The following SLC22A23 variants were observed in gnomAD, a reference collection of about 807,000 sequenced individuals.
SLC22A23 encodes the protein ion transporter protein.
Under a neutral mutation model 61.0 loss-of-function variants are expected in SLC22A23, and 26 were observed. The ratio of observed to expected loss-of-function variants is 0.43; its 90% CI spans 0.31 to 0.59. SLC22A23 has a LOEUF of 0.59. Ranked by LOEUF, SLC22A23 falls within the 20% of genes least tolerant of loss-of-function variation. SLC22A23 has a pLI of 0.11. For synonymous variants in SLC22A23, 430 were observed against 413.9 expected (o/e 1.04, Z -0.47); for missense variants, 796 against 934.7 (o/e 0.85, Z 1.94).
chr6:3,308,189 G>A lies in SLC22A23; in HGVS notation c.1083-9971C>T, dbSNP rs146361735. ...GTTACAGTGGAAAATTTTATGTTAC[G>A]TGTATTTTACCACAATTAAAAGAAA... is the stretch of plus-strand genomic sequence containing the variant. On this transcript the variant is annotated intron_variant, in intron 4 of 9. Coordinates refer to ENST00000406686, the MANE Select transcript of SLC22A23 (RefSeq NM_015482.2). This position sits in a 1 kb window ranked among gnomAD's most constrained non-coding sequence, Gnocchi z 5.1. Among the ~76,000 whole-genome samples, 30 of 152,294 alleles carry A rather than the reference G, an allele frequency of 2.0e-4. 2 individuals are homozygous for A. The East Asian group carries it at 5.4e-3, about 27-fold the overall frequency.
At chr6:3,424,267 C>G (rs890014557) in intron 1 of SLC22A23, among the ~76,000 whole-genome samples, 2 of 152,162 alleles carry the variant, frequency 1.3e-5, no homozygotes, top group African/African-American at 4.8e-5. Context: ...TCTTCTGTGC[C>G]CCACTCCCAC....
intron 1 of SLC22A23, among the ~76,000 whole-genome samples, chr6:3,449,127 C>A (rs918636388): frequency 8.5e-5 from 13 of 152,306 alleles, no homozygotes; most frequent in Middle Eastern, 3.4e-3. Context: ...TGGTTATATC[C>A]TCTGACCTTT....
chr6:3,388,210 G>A (rs1336384486), intron 3 of SLC22A23, among the ~76,000 whole-genome samples: 2 of 152,210 alleles, frequency 1.3e-5, no homozygotes, highest in East Asian at 1.9e-4. Context: ...GCTTTGGAAC[G>A]TGAGACTCAA....
chr6:3,375,296 C>G (rs1384819599), intron 3 of SLC22A23, among the ~76,000 whole-genome samples: 5 of 152,218 alleles, frequency 3.3e-5, no homozygotes, highest in African/African-American at 1.2e-4. Context: ...AAACCACCTC[C>G]TGTCAAATTA....
intron 3 of SLC22A23, among the ~76,000 whole-genome samples, chr6:3,362,265 G>A (rs1041964913): frequency 6.6e-6 from 1 of 151,234 alleles, no homozygotes; most frequent in African/African-American, 2.4e-5. Context: ...TTAGCTGGGC[G>A]TGGTAGCATG....
Position 3,297,850 on chromosome 6 carries a change from T to C in SLC22A23, c.1210+241A>G, listed in dbSNP as rs1761252315. Among the ~76,000 whole-genome samples, 1 of 152,194 alleles carries C rather than the reference T, an allele frequency of 6.6e-6. No individual in the cohort carries two copies. Among genetic ancestry groups the C allele is most frequent in the Non-Finnish European group, 1.5e-5 (1 of 68,020 alleles). Reference sequence around the variant, plus strand: ...AGTGTATATTGGGCTCATGGCTCGCTTCTGCATTTAGACAGGAGATGAGCA... The same window carrying C: ...AGTGTATATTGGGCTCATGGCTCGCCTCTGCATTTAGACAGGAGATGAGCA... On this transcript the variant is annotated intron_variant, in intron 5 of 9. Coordinates refer to ENST00000406686, the MANE Select transcript of SLC22A23 (RefSeq NM_015482.2). The surrounding 1 kb of genome is among the most constrained non-coding windows in gnomAD (Gnocchi z 4.3).
At chr6:3,285,942 G>A (rs1759954523) in intron 7 of SLC22A23, among the ~76,000 whole-genome samples, 1 of 152,162 alleles carries the variant, frequency 6.6e-6, no homozygotes, top group Non-Finnish European at 1.5e-5. Flanking sequence ...GCCAGGGTGG[G>A]AGAAGAGGCT....
intron 1 of SLC22A23, among the ~76,000 whole-genome samples, chr6:3,416,853 C>T (rs1769746620): frequency 6.6e-6 from 1 of 152,292 alleles, no homozygotes; most frequent in East Asian, 1.9e-4. Context: ...CACGCCAATG[C>T]ATTTGGGAAC....
At chr6:3,351,925 T>C (rs1030706227) in intron 3 of SLC22A23, among the ~76,000 whole-genome samples, 4 of 152,050 alleles carry the variant, frequency 2.6e-5, no homozygotes, top group African/African-American at 7.3e-5. Context: ...TCGAGGCAGA[T>C]GGAGTTCCCA....
chr6:3,306,941 G>A (rs1451902427), intron 4 of SLC22A23, among the ~76,000 whole-genome samples: 1 of 152,230 alleles, frequency 6.6e-6, no homozygotes, highest in Non-Finnish European at 1.5e-5. Context: ...CAGGGGTAGA[G>A]GGAGGCAGAT....
At chr6:3,311,404 C>T (rs1335245705) in intron 4 of SLC22A23, among the ~76,000 whole-genome samples, 1 of 152,040 alleles carries the variant, frequency 6.6e-6, no homozygotes, top group African/African-American at 2.4e-5. Context: ...TGAAGAGATT[C>T]TAAAAAAATA....
chr6:3,373,952 A>C (rs1360962006), intron 3 of SLC22A23, among the ~76,000 whole-genome samples: 1 of 152,214 alleles, frequency 6.6e-6, no homozygotes, highest in Non-Finnish European at 1.5e-5. Context: ...CAACCTTGGG[A>C]GGCAGGTACT....
At chr6:3,452,222 G>C (rs1375054570) in intron 1 of SLC22A23, among the ~76,000 whole-genome samples, 1 of 152,142 alleles carries the variant, frequency 6.6e-6, no homozygotes, top group Non-Finnish European at 1.5e-5. Context: ...CCGAAGCAGA[G>C]GAGCATCTGT....
chr6:3,415,817 G>C lies in SLC22A23; in HGVS notation c.693C>G (p.Ile231Met). Residue 231 changes from isoleucine (I) to methionine (M), a missense_variant, in exon 2 of 10, where the codon ATC (isoleucine) becomes ATG (methionine). By Grantham distance (10) the Ile-to-Met change is conservative (BLOSUM62 1). Coordinates refer to ENST00000406686, the MANE Select transcript of SLC22A23 (RefSeq NM_015482.2). ...ATCCAACCAGTAAGGAGAACTTAGC[G>C]ATATGGACCTTCCAGGCATTATCAC... Reference protein sequence around the residue: ...LVCDNAWKVHIAKFSLLVGLI... With the variant: ...LVCDNAWKVHMAKFSLLVGLI... 1 of 1,552,114 alleles carries C rather than the reference G, an allele frequency of 6.4e-7. No homozygotes were observed. Among genetic ancestry groups the C allele is most frequent in the Non-Finnish European group, 8.7e-7 (1 of 1,147,018 alleles).
rs1289317271 is a variant in SLC22A23, at chr6:3,342,448, G to A, written c.914-18446C>T. ...CTAGGGTTCACGGCTCACCTCCTTT[G>A]AAACACACACACCTCTTTCTCTCTC... is the stretch of plus-strand genomic sequence containing the variant. On this transcript the variant is annotated intron_variant, in intron 3 of 9. Transcript: ENST00000406686. This position sits in a 1 kb window ranked among gnomAD's most constrained non-coding sequence, Gnocchi z 4.0. Among the ~76,000 whole-genome samples, 1 of 152,144 alleles carries A rather than the reference G, an allele frequency of 6.6e-6. No homozygotes were observed. Among genetic ancestry groups the A allele is most frequent in the Admixed American group, 6.5e-5 (1 of 15,268 alleles).
chr6:3,433,856 C>T (rs917821864), intron 1 of SLC22A23, among the ~76,000 whole-genome samples: 7 of 152,152 alleles, frequency 4.6e-5, no homozygotes, highest in Non-Finnish European at 5.9e-5. Flanking sequence ...TAGATATTAA[C>T]GCAGCGGTTG....
At chr6:3,450,023 G>A (rs1413544194) in intron 1 of SLC22A23, among the ~76,000 whole-genome samples, 1 of 152,196 alleles carries the variant, frequency 6.6e-6, no homozygotes, top group Non-Finnish European at 1.5e-5. Flanking sequence ...TGAAAAAACA[G>A]TGTTTCGGAT....
chr6:3,374,485 G>C (rs1766432847), intron 3 of SLC22A23, among the ~76,000 whole-genome samples: 2 of 152,224 alleles, frequency 1.3e-5, no homozygotes, highest in African/African-American at 4.8e-5. Context: ...AAGTGCTGGA[G>C]CCAGCAATGA....
intron 9 of SLC22A23, among the ~76,000 whole-genome samples, chr6:3,282,620 C>T (rs1427399590): frequency 1.3e-5 from 2 of 152,214 alleles, no homozygotes; most frequent in African/African-American, 4.8e-5. Flanking sequence ...ATTATGCGGA[C>T]ACCTGGGTTT....
Sources: gnomAD v4.1 joint callset for allele counts (sites outside exome capture counted in the v4.1 genomes callset) on GRCh38, gnomAD v4.1.1 for gene constraint, Gnocchi (gnomAD v3.1) non-coding constraint, MANE v1.5 for transcripts, NCBI Gene and HGNC (gene_info 2026-07-23, HGNC 2026-07-21) for gene names.